FSD1L: variants seen among roughly 807,000 people sequenced by gnomAD.
The protein encoded by FSD1L is fibronectin type III and SPRY domain containing 1 like.
In FSD1L, 45 loss-of-function variants were observed where a neutral mutation model predicts 71.6. The ratio of observed to expected loss-of-function variants is 0.63; its 90% CI spans 0.49 to 0.81. The LOEUF (loss-of-function observed/expected upper bound fraction) is 0.81, where lower values mean the gene tolerates loss of function less well. Ranked by LOEUF, FSD1L falls within the 30% of genes least tolerant of loss-of-function variation. FSD1L has a pLI of 0.00. For synonymous variants in FSD1L, 197 were observed against 207.2 expected (o/e 0.95, Z 0.42); for missense variants, 561 against 618.1 (o/e 0.91, Z 0.98).
At chr9:105,542,645 G>A (rs1401463767) in intron 13 of FSD1L, among the ~76,000 whole-genome samples, 1 of 152,056 alleles carries the variant, frequency 6.6e-6, no homozygotes, top group Non-Finnish European at 1.5e-5. Flanking sequence ...TTGTACAGAT[G>A]GAGTTTTGCT....
chr9:105,452,260 T>A (rs1442303359), intron 1 of FSD1L, among the ~76,000 whole-genome samples: 1 of 152,236 alleles, frequency 6.6e-6, no homozygotes, highest in African/African-American at 2.4e-5. Context: ...CTGTTCCATG[T>A]TCCAAAATTA....
intron 13 of FSD1L, among the ~76,000 whole-genome samples, chr9:105,541,794 G>A (rs761201900): frequency 2.0e-5 from 3 of 152,100 alleles, no homozygotes; most frequent in Non-Finnish European, 4.4e-5. Flanking sequence ...ATAGTGGACC[G>A]TTCCACACAA....
Position 105,464,341 on chromosome 9 carries a change from T to C in FSD1L, c.207+10T>C. 1 of 1,350,064 alleles carries C rather than the reference T, an allele frequency of 7.4e-7. No individual in the cohort carries two copies. The highest frequency in any genetic ancestry group is 1.4e-5 in the South Asian group (1 of 72,202). The allele number at this position is 1,350,064 out of a possible 1,614,324, so 83.6% of individuals were successfully genotyped here. On this transcript the variant is annotated intron_variant, in intron 3 of 13. Coordinates refer to ENST00000481272, the MANE Select transcript of FSD1L (RefSeq NM_001145313.3). The stretch of plus-strand genomic sequence containing the variant: ...ACTAAAAGGAGTTCAGGTATGATTG[T>C]TTTATGAAAAATTTTGTGTAAATAT...
chr9:105,510,955 T>C (rs1004603341), intron 9 of FSD1L, among the ~76,000 whole-genome samples: 2 of 151,612 alleles, frequency 1.3e-5, no homozygotes, highest in East Asian at 3.9e-4. Flanking sequence ...ATAGGACTTA[T>C]ACAAGAGATA....
chr9:105,536,712 T>G (rs1261021994), intron 12 of FSD1L, among the ~76,000 whole-genome samples: 1 of 152,162 alleles, frequency 6.6e-6, no homozygotes, highest in African/African-American at 2.4e-5. Context: ...CTCAGCTCAC[T>G]GCAACCTCTG....
At chr9:105,472,353 A>G (rs1424390957) in intron 5 of FSD1L, 2 of 212,670 alleles carry the variant, frequency 9.4e-6, no homozygotes, top group Non-Finnish European at 1.9e-5. Flanking sequence ...ATGTTTTATT[A>G]CAACATGGAA....
chr9:105,506,265 A>G, intron 7 of FSD1L, 134 bp from the exon 8 acceptor site: 1 of 652,822 alleles, frequency 1.5e-6, no homozygotes, highest in Non-Finnish European at 2.6e-6. Flanking sequence ...CTTTTGCTTA[A>G]TCTGATCTAC....
chr9:105,497,581 G>A (rs182258595), intron 7 of FSD1L, among the ~76,000 whole-genome samples: 1 of 152,266 alleles, frequency 6.6e-6, no homozygotes, highest in Non-Finnish European at 1.5e-5. Context: ...TTCCTTGTGG[G>A]TTTTGGCAGA....
At chr9:105,447,839 A>C, upstream of FSD1L, 2 of 332,548 alleles carry the variant, frequency 6.0e-6, no homozygotes, top group South Asian at 7.0e-5. Context: ...CTGGATGCCC[A>C]GTGGCCTATT....
chr9:105,453,054 T>G (rs906652423), intron 1 of FSD1L, among the ~76,000 whole-genome samples: 99 of 149,824 alleles, frequency 6.6e-4, no homozygotes, highest in Admixed American at 1.3e-3. Flanking sequence ...GTTTTTTTTT[T>G]TTTTTTTTTT....
At chr9:105,525,093 A>G in intron 10 of FSD1L, 1 of 1,557,462 alleles carries the variant, frequency 6.4e-7, no homozygotes, top group Non-Finnish European at 8.7e-7. Flanking sequence ...GCTATACTGT[A>G]TGGCCCACCT....
Position 105,464,860 on chromosome 9 carries a change from A to G in FSD1L, c.207+529A>G, listed in dbSNP as rs114535740. 9.2e-3 allele frequency among the ~76,000 whole-genome samples: 1,400 copies of G among 152,062 alleles called. 20 individuals are homozygous for G. Among genetic ancestry groups the G allele is most frequent in the African/African-American group, 0.032 (1,341 of 41,498 alleles). On this transcript the variant is annotated intron_variant, in intron 3 of 13. Transcript: ENST00000481272. ...CTGGGTGTGGTGGCATACACATGTC[A>G]TCCCAGCTACCCAGGAGGCTGAGGT...
At chr9:105,477,873 A>G (rs1831913844) in intron 5 of FSD1L, among the ~76,000 whole-genome samples, 1 of 152,230 alleles carries the variant, frequency 6.6e-6, no homozygotes, top group Non-Finnish European at 1.5e-5. Flanking sequence ...TAGAAAAGAA[A>G]TAGAATGATT....
At chr9:105,461,417 A>G (rs1292335440) in intron 1 of FSD1L, 103 bp from the exon 2 acceptor site, 3 of 503,938 alleles carry the variant, frequency 6.0e-6, no homozygotes, top group Admixed American at 6.9e-5. Context: ...ATGATAATAT[A>G]TTTTGAATCT....
intron 13 of FSD1L, among the ~76,000 whole-genome samples, chr9:105,545,481 A>C (rs1256269270): frequency 6.8e-6 from 1 of 147,574 alleles, no homozygotes; most frequent in Non-Finnish European, 1.5e-5. Flanking sequence ...GTGGTGAGAG[A>C]GGGCATCCCT....
chr9:105,538,832 A>G (rs1375064960), intron 12 of FSD1L, among the ~76,000 whole-genome samples: 1 of 152,176 alleles, frequency 6.6e-6, no homozygotes, highest in African/African-American at 2.4e-5. Flanking sequence ...AGACTGGAGT[A>G]TCAGTATCGC....
At chr9:105,486,096 A>C (rs1014492166) in intron 7 of FSD1L, among the ~76,000 whole-genome samples, 2 of 152,210 alleles carry the variant, frequency 1.3e-5, no homozygotes, top group African/African-American at 2.4e-5. Context: ...AGCACAAGTG[A>C]AATACTAATT....
chr9:105,449,136 ATTCTT>A (rs1318553306), intron 1 of FSD1L, among the ~76,000 whole-genome samples: 6 of 152,214 alleles, frequency 3.9e-5, no homozygotes, highest in Admixed American at 2.0e-4. Context: ...CTAAGAGACT[ATTCTT>A]TTCTATTATT....
At chr9:105,505,077 T>TA (rs1455342620) in intron 7 of FSD1L, among the ~76,000 whole-genome samples, 16 of 152,242 alleles carry the variant, frequency 1.1e-4, no homozygotes, top group Admixed American at 4.6e-4. Context: ...CTCTTTGTGT[T>TA]AAACAGTTCT....
Sources: gnomAD v4.1 joint callset for allele counts (sites outside exome capture counted in the v4.1 genomes callset) on GRCh38, gnomAD v4.1.1 for gene constraint, MANE v1.5 for transcripts, NCBI Gene and HGNC (gene_info 2026-07-23, HGNC 2026-07-21) for gene names.